The following KCNN3 variants were observed in gnomAD, a reference collection of about 807,000 sequenced individuals.
The protein encoded by KCNN3 is potassium calcium-activated channel subfamily N member 3.
A neutral mutation model predicts 62.9 loss-of-function variants in KCNN3; 16 were observed. That is an observed-to-expected ratio of 0.25 (90% CI 0.17 to 0.39). The LOEUF (loss-of-function observed/expected upper bound fraction) is 0.39. Among genes scored for constraint, KCNN3 ranks in the 10% least tolerant of loss-of-function variants. The pLI is 1.00. For synonymous variants in KCNN3, 370 were observed against 389.2 expected, an observed-to-expected ratio of 0.95 and a Z score of 0.58; for missense variants, 599 against 949.4, an observed-to-expected ratio of 0.63 and a Z score of 4.85.
Position 154,749,900 on chromosome 1 carries a change from G to T in KCNN3, c.1449-16756C>A, listed in dbSNP as rs77812569. On this transcript the variant is annotated intron_variant, in intron 3 of 7. Transcript: ENST00000271915. Reference sequence around the variant, plus strand: ...GGACCACAAGCAGCCTGCCCAGGGAGTGCAGCTGTCCCTGACCTCTCGCCT... The same window carrying T: ...GGACCACAAGCAGCCTGCCCAGGGATTGCAGCTGTCCCTGACCTCTCGCCT... Among the ~76,000 whole-genome samples, 212 of 152,322 alleles carry T rather than the reference G, an allele frequency of 1.4e-3. 1 individual carries two copies. The highest frequency in any genetic ancestry group is 5.0e-3 in the African/African-American group (208 of 41,568).
intron 5 of KCNN3, among the ~76,000 whole-genome samples, chr1:154,720,813 G>A (rs1700329939): frequency 6.6e-6 from 1 of 152,234 alleles, no homozygotes; most frequent in South Asian, 2.1e-4. Flanking sequence ...AGGCTGCTGT[G>A]ATAGTGCGAG....
intron 2 of KCNN3, among the ~76,000 whole-genome samples, chr1:154,773,402 T>C (rs1363679164): frequency 2.0e-5 from 3 of 152,234 alleles, no homozygotes; most frequent in African/African-American, 7.2e-5. Flanking sequence ...TTCTGTGAGC[T>C]GCTCTAGAAA....
intron 1 of KCNN3, among the ~76,000 whole-genome samples, chr1:154,846,941 C>T (rs1313171221): frequency 2.0e-5 from 3 of 152,176 alleles, no homozygotes; most frequent in African/African-American, 7.2e-5. Context: ...ATCACCACCA[C>T]CCACACATGG....
intron 3 of KCNN3, among the ~76,000 whole-genome samples, chr1:154,770,270 A>T (rs998588464): frequency 6.6e-6 from 1 of 152,236 alleles, no homozygotes; most frequent in Non-Finnish European, 1.5e-5. Flanking sequence ...CTGAACCTGC[A>T]TCCTGGAGCC....
rs540345978 is a variant in KCNN3, at chr1:154,715,752, T to C, written c.1702-749A>G. Among the ~76,000 whole-genome samples, 16 of 152,338 alleles carry C rather than the reference T, an allele frequency of 1.1e-4. 1 individual carries two copies. The highest frequency in any genetic ancestry group is 3.6e-4 in the African/African-American group (15 of 41,584). On this transcript the variant is annotated intron_variant, in intron 5 of 7. Transcript: ENST00000271915. ...AAAATAGCTAGCGATATACCATTGC[T>C]GCCCTTACATGCAGACTTCCGAGCT... is the stretch of plus-strand genomic sequence containing the variant.
In KCNN3 at chr1:154,864,143, A is replaced by G. The variant is rs548288408; in HGVS notation, c.933+4889T>C. The stretch of plus-strand genomic sequence containing the variant: ...CTCGGCAGTGGGCTCGCAGGCTCTC[A>G]GCCAGTCTCCTGCCTTCTGCATCCT... On this transcript the variant is annotated intron_variant, in intron 1 of 7. Coordinates refer to ENST00000271915, the MANE Select transcript of KCNN3 (RefSeq NM_002249.6). Among the ~76,000 whole-genome samples, 6 of 152,350 alleles carry G rather than the reference A, an allele frequency of 3.9e-5. No individual in the cohort carries two copies. In the East Asian group the frequency reaches 9.6e-4, roughly 24 times the overall value.
intron 2 of KCNN3, among the ~76,000 whole-genome samples, chr1:154,785,870 G>A (rs2101856135): frequency 6.6e-6 from 1 of 152,026 alleles, no homozygotes; most frequent in South Asian, 2.1e-4. Flanking sequence ...CAAAGTGCTG[G>A]GATTACAGGC....
intron 3 of KCNN3, among the ~76,000 whole-genome samples, chr1:154,761,590 C>G (rs1648016410): frequency 6.6e-6 from 1 of 152,134 alleles, no homozygotes; most frequent in Non-Finnish European, 1.5e-5. Context: ...TTTGTACGCT[C>G]CTTTTTCAAA....
intron 1 of KCNN3, among the ~76,000 whole-genome samples, chr1:154,851,989 C>T (rs896514150): frequency 1.3e-5 from 2 of 152,226 alleles, no homozygotes; most frequent in African/African-American, 2.4e-5. Context: ...CATGATCCCT[C>T]CACTCACTGA....
intron 3 of KCNN3, among the ~76,000 whole-genome samples, chr1:154,746,528 C>T (rs1373646242): frequency 6.6e-6 from 1 of 152,106 alleles, no homozygotes; most frequent in Non-Finnish European, 1.5e-5. Flanking sequence ...CATCTTCTTC[C>T]TCCTTCTCCT....
At chr1:154,771,896 T>C (rs766061775) in intron 3 of KCNN3, 79 bp downstream of exon 3, 3 of 1,429,548 alleles carry the variant, frequency 2.1e-6, no homozygotes, top group Non-Finnish European at 2.9e-6. Flanking sequence ...TCAGACCACA[T>C]ACTTCCTGGC....
intron 3 of KCNN3, among the ~76,000 whole-genome samples, chr1:154,744,925 C>CAAAAAAAA (rs5777930): frequency 7.5e-6 from 1 of 132,464 alleles, no homozygotes. Flanking sequence ...CACATTAAGG[C>CAAAAAAAA]AAAAAAAAAA....
chr1:154,832,785 C>A (rs1309861111), intron 1 of KCNN3, among the ~76,000 whole-genome samples: 2 of 152,180 alleles, frequency 1.3e-5, no homozygotes, highest in Non-Finnish European at 2.9e-5. Flanking sequence ...CTGACTAGAA[C>A]CAAACCAGCC....
chr1:154,855,983 C>A (rs568838613), intron 1 of KCNN3, among the ~76,000 whole-genome samples: 2 of 152,196 alleles, frequency 1.3e-5, no homozygotes, highest in Admixed American at 6.5e-5. Context: ...TGCCTCCTCC[C>A]GCTGCCACCC....
intron 1 of KCNN3, among the ~76,000 whole-genome samples, chr1:154,848,102 C>A (rs557153667): frequency 1.1e-4 from 16 of 152,338 alleles, no homozygotes; most frequent in Admixed American, 7.2e-4. Flanking sequence ...GCCTCCCCCC[C>A]TCCCCAGCCA....
rs374192381 is a variant in KCNN3, at chr1:154,708,083, C to G, written c.2089G>C (p.Gly697Arg). 4.0e-4 allele frequency: 643 copies of G among 1,613,772 alleles called. No homozygotes were observed. The highest frequency in any genetic ancestry group is 5.0e-4 in the Non-Finnish European group (594 of 1,179,916). Residue 697 changes from glycine to arginine, a missense_variant, in exon 8 of 8, where the codon GGT becomes CGT. This residue lies in a region of KCNN3 where 52 missense variants were observed against 53.3 expected (regional missense o/e 0.98). Transcript: ENST00000271915. ...QLLSAIIEAR[G>R]VSVAVGTTHT... ...GTGGTGCCCACTGCCACGCTGACAC[C>G]CCGGGCCTCGATGATGGCAGACAGG...
chr1:154,747,259 C>G (rs750168822), intron 3 of KCNN3, among the ~76,000 whole-genome samples: 1 of 152,180 alleles, frequency 6.6e-6, no homozygotes, highest in African/African-American at 2.4e-5. Context: ...TCTGTTACTA[C>G]AGCAGCCTCC....
Position 154,809,436 on chromosome 1 carries a change from A to G in KCNN3, c.1029+12653T>C, listed in dbSNP as rs1650310801. Among the ~76,000 whole-genome samples, 1 of 152,256 alleles carries G rather than the reference A, an allele frequency of 6.6e-6. No individual in the cohort carries two copies. Among genetic ancestry groups the G allele is most frequent in the Non-Finnish European group, 1.5e-5 (1 of 68,040 alleles). ...AGGGCACATAAAACTACAACCTCAC[A>G]GGAGGCCACAAAACTTTTAAGATGA... On this transcript the variant is annotated intron_variant, in intron 2 of 7. Coordinates refer to ENST00000271915, the MANE Select transcript of KCNN3 (RefSeq NM_002249.6). This position sits in a 1 kb window ranked among gnomAD's most constrained non-coding sequence, Gnocchi z 4.3.
intron 2 of KCNN3, among the ~76,000 whole-genome samples, chr1:154,784,797 C>T (rs1620619): frequency 0.31 from 47,653 of 152,276 alleles, 7,797 homozygotes; most frequent in East Asian, 0.43. Flanking sequence ...CTCATTTAGT[C>T]CTTAACAGGA....
Sources: allele counts gnomAD v4.1 joint callset (sites outside exome capture counted in the v4.1 genomes callset), GRCh38; gene constraint gnomAD v4.1.1; regional missense constraint gnomAD v4.1.1; non-coding constraint Gnocchi (gnomAD v3.1); transcripts MANE v1.5; gene names NCBI Gene and HGNC (gene_info 2026-07-23, HGNC 2026-07-21).